NHSL3: variants seen among roughly 807,000 people sequenced by gnomAD.
NHSL3 encodes NHS like 3.
At chr1:32,759,627 C>G in the NHSL3 span, among the ~76,000 whole-genome samples, 1 of 152,200 alleles carries the variant, frequency 6.6e-6, no homozygotes, top group Non-Finnish European at 1.5e-5. Context: ...TCTGTCCCTG[C>G]TGGGGTGGGG....
the NHSL3 span, among the ~76,000 whole-genome samples, chr1:32,746,738 A>G: frequency 6.6e-6 from 1 of 152,228 alleles, no homozygotes; most frequent in Admixed American, 6.6e-5. Flanking sequence ...TCACAGCATC[A>G]CAATGACGGA....
At chr1:32,765,626 C>T in the NHSL3 span, 3 of 1,523,962 alleles carry the variant, frequency 2.0e-6, no homozygotes, top group Admixed American at 2.0e-5. Context: ...AGCCCCTCCC[C>T]CTCCTCTGTC....
At chr1:32,768,131 C>T in the NHSL3 span, 6 of 1,528,508 alleles carry the variant, frequency 3.9e-6, no homozygotes, top group Non-Finnish European at 4.5e-6. Context: ...AGCCCTGCCT[C>T]CAGCTCAGTC....
chr1:32,761,852 G>T, the NHSL3 span, among the ~76,000 whole-genome samples: 21 of 152,278 alleles, frequency 1.4e-4, no homozygotes, highest in East Asian at 3.9e-3. Context: ...GAAGAGTGGG[G>T]AAGGTAGGTG....
chr1:32,766,751 TATGTTGTGGGTTTC>T, the NHSL3 span, among the ~76,000 whole-genome samples: 2 of 152,106 alleles, frequency 1.3e-5, no homozygotes, highest in African/African-American at 4.8e-5. Context: ...CGCTTTTGCT[TATGTTGTGGGTTTC>T]ATTTAAAGGG....
the NHSL3 span, chr1:32,770,250 T>A: frequency 6.2e-7 from 1 of 1,603,966 alleles, no homozygotes; most frequent in East Asian, 2.2e-5. The surrounding 1 kb of genome is among the most constrained non-coding windows in gnomAD (Gnocchi z 8.3). Flanking sequence ...TGATTCCACA[T>A]GCTGTGCTGC....
At chr1:32,754,546 A>G in the NHSL3 span, among the ~76,000 whole-genome samples, 1 of 151,772 alleles carries the variant, frequency 6.6e-6, no homozygotes, top group Non-Finnish European at 1.5e-5. Flanking sequence ...AGCCACACGA[A>G]CTACACCCAC....
chr1:32,750,079 A>G, the NHSL3 span, among the ~76,000 whole-genome samples: 17 of 152,302 alleles, frequency 1.1e-4, no homozygotes, highest in African/African-American at 3.8e-4. Context: ...CACAGTGAAC[A>G]TGGTGGGGTT....
At chr1:32,741,939 TC>T in the NHSL3 span, 1 of 783,156 alleles carries the variant, frequency 1.3e-6, no homozygotes, top group Non-Finnish European at 1.6e-6. This position sits in a 1 kb window ranked among gnomAD's most constrained non-coding sequence, Gnocchi z 4.3. Context: ...CGCCGCCCGC[TC>T]CGCCCCCGCC....
the NHSL3 span, among the ~76,000 whole-genome samples, chr1:32,765,167 G>T: frequency 1.3e-5 from 2 of 152,346 alleles, no homozygotes; most frequent in South Asian, 2.1e-4. Flanking sequence ...AGCCACTGTG[G>T]TTCTGCTCTG....
the NHSL3 span, among the ~76,000 whole-genome samples, chr1:32,754,907 G>A: frequency 6.9e-6 from 1 of 145,866 alleles, no homozygotes; most frequent in South Asian, 2.4e-4. Flanking sequence ...CCGCGCCACC[G>A]CGACTTCTCC....
the NHSL3 span, chr1:32,769,723 C>A: frequency 3.1e-6 from 5 of 1,612,956 alleles, no homozygotes; most frequent in Non-Finnish European, 3.4e-6. Flanking sequence ...AAAGTCAGGG[C>A]GGCGTCGGCG....
At chr1:32,765,625 C>T in the NHSL3 span, 8 of 1,523,436 alleles carry the variant, frequency 5.3e-6, no homozygotes, top group Non-Finnish European at 7.0e-6. Flanking sequence ...CAGCCCCTCC[C>T]CCTCCTCTGT....
chr1:32,772,726 T>G, the NHSL3 span: 1 of 885,454 alleles, frequency 1.1e-6, no homozygotes, highest in Non-Finnish European at 1.9e-6. Flanking sequence ...ATGTGTAGGG[T>G]GTCCAGCCCA....
At chr1:32,769,776 G>A in the NHSL3 span, 1 of 1,611,274 alleles carries the variant, frequency 6.2e-7, no homozygotes, top group Admixed American at 1.7e-5. Flanking sequence ...AGCATGTGCA[G>A]AAGGAGCTTG....
chr1:32,764,053 A>G, the NHSL3 span, among the ~76,000 whole-genome samples: 4 of 150,966 alleles, frequency 2.6e-5, no homozygotes, highest in Admixed American at 2.6e-4. Context: ...TAGAGATAGG[A>G]TCTTGCCTTG....
At chr1:32,766,743 C>T in the NHSL3 span, among the ~76,000 whole-genome samples, 1 of 152,136 alleles carries the variant, frequency 6.6e-6, no homozygotes, top group Non-Finnish European at 1.5e-5. Context: ...CCTTCCAGCG[C>T]TTTTGCTTAT....
chr1:32,753,902 C>A, the NHSL3 span: 1 of 219,196 alleles, frequency 4.6e-6, no homozygotes, highest in African/African-American at 2.3e-5. Flanking sequence ...CGCCAGGCCC[C>A]GCCCCTCCTC....
chr1:32,768,662 C>T, the NHSL3 span: 22 of 1,614,018 alleles, frequency 1.4e-5, no homozygotes, highest in South Asian at 3.3e-5. Flanking sequence ...TCCTCCCGGA[C>T]GGGGCCGGAT....
Sources: gnomAD v4.1 joint callset for allele counts (sites outside exome capture counted in the v4.1 genomes callset) on GRCh38, gnomAD v4.1.1 for gene constraint, Gnocchi (gnomAD v3.1) non-coding constraint, MANE v1.5 for transcripts, NCBI Gene and HGNC (gene_info 2026-07-23, HGNC 2026-07-21) for gene names.